The following TFCP2L1 variants were observed in gnomAD, a reference collection of about 807,000 sequenced individuals.
TFCP2L1 encodes transcription factor CP2 like 1.
TFCP2L1 carries 12 observed loss-of-function variants against 72.2 expected under a neutral mutation model. That is an observed-to-expected ratio of 0.17 (90% CI 0.11 to 0.27). The LOEUF is 0.27. Among genes scored for constraint, TFCP2L1 ranks in the 10% least tolerant of loss-of-function variants. TFCP2L1 has a pLI of 1.00. For missense variants in TFCP2L1, 488 were observed against 624.6 expected, an observed-to-expected ratio of 0.78 and a Z score of 2.33; for synonymous variants, 260 against 251.0, an observed-to-expected ratio of 1.04 and a Z score of -0.34.
chr2:121,256,101 C>T (rs1310413774), intron 2 of TFCP2L1, among the ~76,000 whole-genome samples: 1 of 152,284 alleles, frequency 6.6e-6, no homozygotes, highest in East Asian at 1.9e-4. Context: ...CTAAACCCTC[C>T]CGCTTCTCCT....
In TFCP2L1 at chr2:121,244,253, C is replaced by A. The variant is rs1300407797; in HGVS notation, c.658-1784G>T. ...AGGGAGCTGGTTGCTCAGACAGGAG[C>A]CCTGCCTTTCCCTTCAGAGACCCTG... On this transcript the variant is annotated intron_variant, in intron 6 of 14. Transcript: ENST00000263707. Among the ~76,000 whole-genome samples the A allele has an allele frequency of 1.3e-5, 2 of 152,218 alleles. 1 individual carries two copies. Among genetic ancestry groups the A allele is most frequent in the Admixed American group, 1.3e-4 (2 of 15,286 alleles).
At chr2:121,224,776 A>G (rs1286569061) in intron 14 of TFCP2L1, among the ~76,000 whole-genome samples, 2 of 152,050 alleles carry the variant, frequency 1.3e-5, no homozygotes, top group Non-Finnish European at 2.9e-5. Flanking sequence ...AGGTCAGGAG[A>G]TCAAGACCAT....
chr2:121,237,771 A>G (rs1573364679), intron 9 of TFCP2L1, 31 bp downstream of exon 9: 1 of 1,614,090 alleles, frequency 6.2e-7, no homozygotes, highest in Middle Eastern at 1.6e-4. Context: ...ACGAGGGACC[A>G]CCAGCCAGAA....
intron 2 of TFCP2L1, among the ~76,000 whole-genome samples, chr2:121,251,964 T>C (rs565624893): frequency 2.0e-5 from 3 of 152,370 alleles, no homozygotes; most frequent in East Asian, 3.9e-4. Flanking sequence ...AAACACTTAA[T>C]ACAAACTGCA....
At chr2:121,250,518 A>G (rs1686586247) in intron 2 of TFCP2L1, among the ~76,000 whole-genome samples, 1 of 152,038 alleles carries the variant, frequency 6.6e-6, no homozygotes, top group African/African-American at 2.4e-5. Context: ...CTGAACTACA[A>G]TTTTACAAGA....
In TFCP2L1 at chr2:121,237,761, A is replaced by G. The variant is rs746103370; in HGVS notation, c.909+41T>C. Reference sequence around the variant, plus strand: ...GCCTTGAGATGGTGGCTCAGGGCCCACGAGGGACCACCAGCCAGAAAGCCC... The same window carrying G: ...GCCTTGAGATGGTGGCTCAGGGCCCGCGAGGGACCACCAGCCAGAAAGCCC... On this transcript the variant is annotated intron_variant, in intron 9 of 14. Transcript: ENST00000263707. 1.1e-5 allele frequency: 17 copies of G among 1,613,908 alleles called. No individual in the cohort carries two copies. In the East Asian group the frequency reaches 3.8e-4, roughly 36 times the overall value.
At chr2:121,227,680 C>T (rs1261246641) in intron 13 of TFCP2L1, among the ~76,000 whole-genome samples, 2 of 146,780 alleles carry the variant, frequency 1.4e-5, no homozygotes, top group Admixed American at 6.8e-5. Flanking sequence ...GACTCTGTCT[C>T]CAAATAAAAT....
Position 121,223,140 on chromosome 2 carries a change from T to C in TFCP2L1, c.*1201A>G, listed in dbSNP as rs1685957741. 6.6e-6 allele frequency: 1 copy of C among 152,144 alleles called. No homozygotes were observed. Among genetic ancestry groups the C allele is most frequent in the Non-Finnish European group, 1.5e-5 (1 of 68,046 alleles). 9.4% of individuals were successfully genotyped at this position (152,144 alleles called of 1,614,324 possible). ...TAGAAGCTATGACATCCCATTCAGG[T>C]GGTCAGAGGGTTCCCCATGAACCTA... is the stretch of plus-strand genomic sequence containing the variant. On this transcript the variant is annotated 3_prime_UTR_variant, in exon 15 of 15. Transcript: ENST00000263707.
At chr2:121,261,296 T>C (rs1366962255) in intron 2 of TFCP2L1, among the ~76,000 whole-genome samples, 1 of 152,084 alleles carries the variant, frequency 6.6e-6, no homozygotes, top group Non-Finnish European at 1.5e-5. Context: ...AAGTAAACAC[T>C]TGGAAGATAG....
intron 13 of TFCP2L1, among the ~76,000 whole-genome samples, chr2:121,231,362 G>A (rs1686139998): frequency 6.6e-6 from 1 of 152,220 alleles, no homozygotes; most frequent in African/African-American, 2.4e-5. Context: ...AGCTGCTTGT[G>A]CTCTACACTG....
intron 12 of TFCP2L1, 30 bp downstream of exon 12, chr2:121,234,061 T>G (rs1203315970): frequency 6.2e-7 from 1 of 1,602,018 alleles, no homozygotes; most frequent in Admixed American, 1.7e-5. Flanking sequence ...ACCCAATGTG[T>G]GGGTCCCAGC....
In TFCP2L1 at chr2:121,224,118, G is replaced by A. The variant is rs1025343648; in HGVS notation, c.*223C>T. Reference sequence around the variant, plus strand: ...AAGAACAAGGAACCATTCAAAATCTGGAGGCCAAGAGGAAGGGAGAAAGGA... The same window carrying A: ...AAGAACAAGGAACCATTCAAAATCTAGAGGCCAAGAGGAAGGGAGAAAGGA... On this transcript the variant is annotated 3_prime_UTR_variant, in exon 15 of 15. Coordinates refer to ENST00000263707, the MANE Select transcript of TFCP2L1 (RefSeq NM_014553.3). 1.5e-5 allele frequency: 9 copies of A among 590,790 alleles called. No homozygotes were observed. The highest frequency in any genetic ancestry group is 2.4e-5 in the Non-Finnish European group (8 of 332,180). 36.6% of individuals were successfully genotyped at this position (590,790 alleles called of 1,614,324 possible). A position where few individuals can be genotyped will look rare whatever the true frequency, so the allele number is the denominator to read the frequency against.
intron 7 of TFCP2L1, among the ~76,000 whole-genome samples, 163 bp downstream of exon 7, chr2:121,242,196 T>G (rs1686387452): frequency 6.6e-6 from 1 of 151,562 alleles, no homozygotes; most frequent in African/African-American, 2.4e-5. Flanking sequence ...CACTGGGTCT[T>G]ATCAGATGAA....
In TFCP2L1 at chr2:121,237,817, C is replaced by A; in HGVS notation, c.894G>T (p.Leu298=). The A allele has an allele frequency of 6.2e-7, 1 of 1,614,106 alleles. No individual in the cohort carries two copies. Among genetic ancestry groups the A allele is most frequent in the Non-Finnish European group, 8.5e-7 (1 of 1,180,012 alleles). Reference sequence around the variant, plus strand: ...AGACACTTACGTCACTGCCCACGGGCAGGGCCTCCACCGGGTGGGTCGGAG... The same window carrying A: ...AGACACTTACGTCACTGCCCACGGGAAGGGCCTCCACCGGGTGGGTCGGAG... The part of the protein sequence containing the change: ...NASPTHPVEA[L]PVGSDHLLPS... Residue 298 remains leucine (L), a synonymous_variant, in exon 9 of 15, where the codon CTG becomes CTT. Transcript: ENST00000263707.
At chr2:121,226,155 C>G (rs12994901) in intron 13 of TFCP2L1, among the ~76,000 whole-genome samples, 5 of 133,358 alleles carry the variant, frequency 3.7e-5, no homozygotes, top group Non-Finnish European at 6.8e-5. Flanking sequence ...TCTACACACA[C>G]GGGAATGCGG....
At chr2:121,255,282 C>T (rs1686691919) in intron 2 of TFCP2L1, among the ~76,000 whole-genome samples, 1 of 152,074 alleles carries the variant, frequency 6.6e-6, no homozygotes, top group Non-Finnish European at 1.5e-5. Context: ...TTGTTTCCTA[C>T]GTTCTTAACA....
intron 11 of TFCP2L1, 57 bp downstream of exon 11, chr2:121,235,161 CCCA>C: frequency 6.3e-7 from 1 of 1,587,012 alleles, no homozygotes; most frequent in South Asian, 1.1e-5. Context: ...GTAGGGGTTT[CCCA>C]CCACATGCCA....
At chr2:121,253,220 T>C (rs1686646256) in intron 2 of TFCP2L1, among the ~76,000 whole-genome samples, 1 of 152,180 alleles carries the variant, frequency 6.6e-6, no homozygotes, top group African/African-American at 2.4e-5. Flanking sequence ...AGTGAACACT[T>C]CTTGACCATG....
At chr2:121,249,151 T>C in intron 3 of TFCP2L1, 64 bp from the exon 4 acceptor site, 1 of 1,272,566 alleles carries the variant, frequency 7.9e-7, no homozygotes, top group Non-Finnish European at 1.1e-6. Context: ...CCACCTCTTT[T>C]CCCTGAGCCA....
Sources: allele counts gnomAD v4.1 joint callset (sites outside exome capture counted in the v4.1 genomes callset), GRCh38; gene constraint gnomAD v4.1.1; transcripts MANE v1.5; gene names NCBI Gene and HGNC (gene_info 2026-07-23, HGNC 2026-07-21).